Variants in KIAA0930 observed in about 807,000 individuals in gnomAD.
KIAA0930 encodes the protein uncharacterized protein KIAA0930.
In KIAA0930, 24 loss-of-function variants were observed where a neutral mutation model predicts 43.9. The ratio of observed to expected loss-of-function variants is 0.55; its 90% CI spans 0.40 to 0.77. KIAA0930 has a LOEUF of 0.77. KIAA0930 is among the 30% of genes least tolerant of loss of function. The pLI, the probability that KIAA0930 is intolerant of heterozygous loss-of-function variation, is 0.00. For missense variants in KIAA0930, 461 were observed against 574.2 expected (o/e 0.80, Z 2.02); for synonymous variants, 259 against 216.4 (o/e 1.20, Z -1.73).
rs1183398049 is a variant in KIAA0930 at position 45,195,034 on chromosome 22, G to C, written c.*2142C>G. ...CCTGTTCACATGCCTTACAAATTGA[G>C]GGCTGATCTCTAAAATAGCATGATT... On this transcript the variant is annotated 3_prime_UTR_variant, in exon 10 of 10. Coordinates refer to ENST00000336156, the MANE Select transcript of KIAA0930 (RefSeq NM_001009880.2). 3.3e-5 allele frequency: 5 copies of C among 152,252 alleles called. No individual in the cohort carries two copies. The highest frequency in any genetic ancestry group is 4.8e-5 in the African/African-American group (2 of 41,454). The allele number at this position is 152,252 out of a possible 1,614,324, so 9.4% of individuals were successfully genotyped here. A position where few individuals can be genotyped will look rare whatever the true frequency, so the allele number is the denominator to read the frequency against.
intron 1 of KIAA0930, among the ~76,000 whole-genome samples, chr22:45,215,011 A>G (rs1387613006): frequency 6.6e-6 from 1 of 152,188 alleles, no homozygotes; most frequent in Non-Finnish European, 1.5e-5. Flanking sequence ...GGAGGTCAGG[A>G]GTTCAAGACC....
rs570007683 is a variant in KIAA0930 at position 45,197,349 on chromosome 22, T to C, written c.1175-133A>G. 5.3e-6 allele frequency: 4 copies of C among 749,674 alleles called. No homozygotes were observed. In the East Asian group the frequency reaches 1.1e-4, roughly 21 times the overall value. The allele number at this position is 749,674 out of a possible 1,614,324, so 46.4% of individuals were successfully genotyped here. On this transcript the variant is annotated intron_variant, in intron 9 of 9. Coordinates refer to ENST00000336156, the MANE Select transcript of KIAA0930 (RefSeq NM_001009880.2). ...CATCTCCTCTCCAGGCCTCACAGAC[T>C]GCAGAGGAGACGTGTCTCCACCATC...
intron 2 of KIAA0930, 121 bp from the exon 3 acceptor site, chr22:45,206,033 T>C (rs1422729353): frequency 4.5e-5 from 67 of 1,504,106 alleles, no homozygotes; most frequent in Non-Finnish European, 5.7e-5. Flanking sequence ...TACTATTTTT[T>C]GAGACAGGGT....
At chr22:45,229,407 G>T (rs1009423589) in intron 1 of KIAA0930, among the ~76,000 whole-genome samples, 1 of 113,850 alleles carries the variant, frequency 8.8e-6, no homozygotes, top group East Asian at 3.2e-4. Context: ...ACTCCCAGGG[G>T]CCTGCGCCCA....
At chr22:45,197,749 G>A in intron 9 of KIAA0930, 41 bp downstream of exon 9, 2 of 1,607,728 alleles carry the variant, frequency 1.2e-6, no homozygotes, top group Non-Finnish European at 1.7e-6. Context: ...AGAGCTGGCT[G>A]TGAGAAGGTG....
chr22:45,228,679 G>C (rs967252837), intron 1 of KIAA0930, among the ~76,000 whole-genome samples: 1 of 150,320 alleles, frequency 6.7e-6, no homozygotes, highest in Non-Finnish European at 1.5e-5. Flanking sequence ...CTCTTCACCG[G>C]AAAGATCCCT....
intron 1 of KIAA0930, among the ~76,000 whole-genome samples, chr22:45,236,726 C>T (rs2083890729): frequency 6.6e-6 from 1 of 152,168 alleles, no homozygotes; most frequent in Non-Finnish European, 1.5e-5. Flanking sequence ...CACCTTACTT[C>T]CCCCCAACCT....
intron 1 of KIAA0930, among the ~76,000 whole-genome samples, chr22:45,231,211 G>A (rs1298367511): frequency 3.7e-5 from 5 of 136,330 alleles, no homozygotes; most frequent in African/African-American, 1.1e-4. Context: ...CAAGATCTGA[G>A]ACTCCGTCTC....
Position 45,202,790 on chromosome 22 carries a change from T to C in KIAA0930, c.852+200A>G, listed in dbSNP as rs370038214. ...GTCTGCAAGGCAGGAACGCCTCCCC[T>C]GCGGCAGTGCCTCCTACAAACCGCT... On this transcript the variant is annotated intron_variant, in intron 7 of 9. Transcript: ENST00000336156. The C allele has an allele frequency of 5.8e-5, 30 of 521,214 alleles. 1 individual carries two copies. Among genetic ancestry groups the C allele is most frequent in the Middle Eastern group, 5.0e-4 (1 of 2,014 alleles). The allele number at this position is 521,214 out of a possible 1,614,324, so 32.3% of individuals were successfully genotyped here.
Position 45,223,873 on chromosome 22 carries a change from AAGCACCCAGGGTCAGCACTGAGAC to A in KIAA0930, c.65-11790_65-11767del, listed in dbSNP as rs1569081724. ...TGAGCACCCAGGATCAGCACCAGAT[AAGCACCCAGGGTCAGCACTGAGAC>A]AGCACCCAGGATCAGCACCAGATGA... On this transcript the variant is annotated intron_variant, in intron 1 of 9. Coordinates refer to ENST00000336156, the MANE Select transcript of KIAA0930 (RefSeq NM_001009880.2). 3.8e-5 allele frequency among the ~76,000 whole-genome samples: 5 copies of A among 133,144 alleles called. No individual in the cohort carries two copies. In the South Asian group the frequency reaches 7.4e-4, roughly 20 times the overall value. 87.3% of individuals were successfully genotyped at this position (133,144 alleles called of 152,430 possible). A position where few individuals can be genotyped will look rare whatever the true frequency, so the allele number is the denominator to read the frequency against.
rs201028548 is a variant in KIAA0930, at chr22:45,199,916, C to T, written c.972G>A (p.Ser324=). ...NRIAEMKKSH[S]ANDSEEFFRE... Reference sequence around the variant, plus strand: ...GGAAGAACTCCTCGCTGTCGTTGGCCGAGTGCGACTTCTTCATCTCAGCGA... The same window carrying T: ...GGAAGAACTCCTCGCTGTCGTTGGCTGAGTGCGACTTCTTCATCTCAGCGA... The change falls in exon 8 of 10, where the codon TCG becomes TCA. Residue 324 remains serine (S), a synonymous_variant. Transcript: ENST00000336156. The T allele has an allele frequency of 1.9e-5, 31 of 1,604,538 alleles. No individual in the cohort carries two copies. In the East Asian group the frequency reaches 4.3e-4, roughly 22 times the overall value.
intron 2 of KIAA0930, among the ~76,000 whole-genome samples, chr22:45,206,300 A>G (rs1246655558): frequency 6.6e-6 from 1 of 152,080 alleles, no homozygotes; most frequent in Non-Finnish European, 1.5e-5. Context: ...TACAGGTGTG[A>G]GCCACCATGC....
chr22:45,212,484 G>A, intron 1 of KIAA0930: 1 of 1,434,872 alleles, frequency 7.0e-7, no homozygotes, highest in East Asian at 2.5e-5. Flanking sequence ...TGGCTGGGGG[G>A]GAGCCTTTGG....
rs746269146 is a variant in KIAA0930 at position 45,201,001 on chromosome 22, C to T, written c.853-966G>A. Reference sequence around the variant, plus strand: ...GCGTTCCAGCCAGAGGGAACTTGGCCCATCTCCTCCCTCCTCCCCATGCCA... The same window carrying T: ...GCGTTCCAGCCAGAGGGAACTTGGCTCATCTCCTCCCTCCTCCCCATGCCA... On this transcript the variant is annotated intron_variant, in intron 7 of 9. Transcript: ENST00000336156. The T allele has an allele frequency of 7.5e-6, 4 of 531,738 alleles. No individual in the cohort carries two copies. The East Asian group carries it at 1.6e-4, about 22-fold the overall frequency. 32.9% of individuals were successfully genotyped at this position (531,738 alleles called of 1,614,324 possible). A position where few individuals can be genotyped will look rare whatever the true frequency, so the allele number is the denominator to read the frequency against.
intron 7 of KIAA0930, 173 bp downstream of exon 7, chr22:45,202,817 G>A (rs2083600813): frequency 1.8e-6 from 1 of 560,274 alleles, no homozygotes; most frequent in Non-Finnish European, 3.1e-6. Context: ...CAAACCGCTA[G>A]GCAAAGAGAA....
chr22:45,219,405 C>T (rs1273674462), intron 1 of KIAA0930, among the ~76,000 whole-genome samples: 1 of 152,148 alleles, frequency 6.6e-6, no homozygotes, highest in Non-Finnish European at 1.5e-5. Context: ...TTGAAACCCA[C>T]CCCAATCCTT....
chr22:45,209,123 C>T (rs1272432008), intron 2 of KIAA0930, among the ~76,000 whole-genome samples: 1 of 152,206 alleles, frequency 6.6e-6, no homozygotes, highest in Non-Finnish European at 1.5e-5. Context: ...GCATCCTGTC[C>T]CCCTGACACT....
At chr22:45,213,980 C>T (rs996402023) in intron 1 of KIAA0930, among the ~76,000 whole-genome samples, 1 of 152,070 alleles carries the variant, frequency 6.6e-6, no homozygotes, top group Non-Finnish European at 1.5e-5. Flanking sequence ...CATTGCACTC[C>T]AGCCTGGGTG....
At chr22:45,240,572 G>A in intron 1 of KIAA0930, 68 bp downstream of exon 1, 1 of 1,124,618 alleles carries the variant, frequency 8.9e-7, no homozygotes. Context: ...CAGAAACACG[G>A]ACGCGCAGAG....
Sources: gnomAD v4.1 joint callset for allele counts (sites outside exome capture counted in the v4.1 genomes callset) on GRCh38, gnomAD v4.1.1 for gene constraint, MANE v1.5 for transcripts, NCBI Gene and HGNC (gene_info 2026-07-23, HGNC 2026-07-21) for gene names.